Variants in USP35 observed in about 807,000 individuals in gnomAD.
USP35 encodes ubiquitin specific peptidase 35.
A neutral mutation model predicts 83.8 loss-of-function variants in USP35; 69 were observed. The observed-to-expected ratio is 0.82, with a 90% CI of 0.68 to 1.01. The LOEUF (loss-of-function observed/expected upper bound fraction) is 1.01, where lower values mean the gene tolerates loss of function less well. Ranked by LOEUF, USP35 falls within the 50% of genes least tolerant of loss-of-function variation. The probability of loss-of-function intolerance (pLI) is 0.00; values close to 1 mark genes in which losing one functional copy is unlikely to be tolerated. For missense variants in USP35, 1,503 were observed against 1,362.5 expected (o/e 1.10, Z -1.62); for synonymous variants, 714 against 589.5 (o/e 1.21, Z -3.06).
intron 1 of USP35, among the ~76,000 whole-genome samples, chr11:78,189,372 C>T (rs755791588): frequency 4.6e-5 from 7 of 152,316 alleles, no homozygotes; most frequent in Middle Eastern, 3.4e-3. Flanking sequence ...AGTGATCCTG[C>T]TCCCTCCCCT....
At chr11:78,203,435 G>A (rs1023327318) in intron 6 of USP35, among the ~76,000 whole-genome samples, 5 of 152,126 alleles carry the variant, frequency 3.3e-5, no homozygotes, top group Non-Finnish European at 7.4e-5. Context: ...CTTCTCGAAC[G>A]TTTCCACCCA....
rs989662724 is a variant in USP35 at position 78,209,468 on chromosome 11, C to T, written c.1613C>T (p.Thr538Met). 8.7e-6 allele frequency: 14 copies of T among 1,607,852 alleles called. No homozygotes were observed. The highest frequency in any genetic ancestry group is 1.7e-5 in the Admixed American group (1 of 59,626). The change falls in exon 10 of 11, where the codon ACG (threonine) becomes ATG (methionine). Residue 538 changes from threonine (T) to methionine (M), a missense_variant. Physicochemically the swap from Thr to Met is moderately conservative, Grantham distance 81 (BLOSUM62 -1). Coordinates refer to ENST00000529308, the MANE Select transcript of USP35 (RefSeq NM_020798.4). ...CCCAGGCTGCACGAAGAGGAGAAAA[C>T]GGGCACAAGGATCTGCCAGAAACTC... ...LLDRLHEEEK[T>M]GTRICQKLKQ... is the part of the protein sequence containing the mutation.
At chr11:78,200,051 C>T (rs930333188) in intron 4 of USP35, 82 bp from the exon 5 acceptor site, 18 of 1,475,478 alleles carry the variant, frequency 1.2e-5, no homozygotes, top group Non-Finnish European at 1.6e-5. Flanking sequence ...TAGGGTGTCT[C>T]TGAGTCCCCT....
downstream of USP35, among the ~76,000 whole-genome samples, chr11:78,219,943 C>T (rs1590935255): frequency 6.6e-6 from 1 of 152,228 alleles, no homozygotes; most frequent in South Asian, 2.1e-4. Flanking sequence ...GCTGATGTAT[C>T]GACGGCAGGG....
intron 1 of USP35, among the ~76,000 whole-genome samples, chr11:78,193,757 A>T (rs1863065773): frequency 1.3e-5 from 2 of 152,280 alleles, no homozygotes; most frequent in South Asian, 4.2e-4. Context: ...CAACAACAAC[A>T]ACAACAAAAC....
chr11:78,200,067 G>T (rs933522065), intron 4 of USP35, 66 bp from the exon 5 acceptor site: 1 of 1,556,802 alleles, frequency 6.4e-7, no homozygotes, highest in Non-Finnish European at 8.9e-7. Context: ...CCCCTCTCAG[G>T]CTTGTGATTC....
At position 78,196,228 on chromosome 11, in the gene USP35, C is replaced by T. The variant is rs112509436; in HGVS notation, c.-10-8C>T. On this transcript the variant is annotated splice_region_variant and splice_polypyrimidine_tract_variant and intron_variant, in intron 1 of 10. Transcript: ENST00000529308. The surrounding 1 kb of genome is among the most constrained non-coding windows in gnomAD (Gnocchi z 4.8). ...TCGGGCTGTGACCTCATTCCCTGTC[C>T]TCCGCAGCGCGGGCGCCATGGACAA... 6 of 1,580,218 alleles carry T rather than the reference C, an allele frequency of 3.8e-6. No homozygotes were observed. Among genetic ancestry groups the T allele is most frequent in the South Asian group, 3.3e-5 (3 of 89,886 alleles).
intron 6 of USP35, among the ~76,000 whole-genome samples, chr11:78,205,182 A>G (rs902350282): frequency 3.9e-5 from 6 of 152,162 alleles, no homozygotes; most frequent in Non-Finnish European, 2.9e-5. Flanking sequence ...AAGGACCAAG[A>G]CCCATACCTC....
At chr11:78,221,782 G>C in the USP35 span, 1 of 1,605,426 alleles carries the variant, frequency 6.2e-7, no homozygotes, top group Non-Finnish European at 8.5e-7. Flanking sequence ...AGGTGTGGCT[G>C]TTGTGGGAAG....
intron 2 of USP35, 97 bp from the exon 3 acceptor site, chr11:78,197,839 G>A: frequency 6.7e-7 from 1 of 1,484,590 alleles, no homozygotes; most frequent in Non-Finnish European, 9.0e-7. Context: ...TCTTCCTAGA[G>A]GCCCAGCCCG....
In USP35 at chr11:78,196,505, G is replaced by A. The variant is rs112298460; in HGVS notation, c.260G>A (p.Arg87His). The A allele has an allele frequency of 1.6e-6, 2 of 1,230,042 alleles. No individual in the cohort carries two copies. The highest frequency in any genetic ancestry group is 4.4e-5 in the Admixed American group (1 of 22,724). 76.2% of individuals were successfully genotyped at this position (1,230,042 alleles called of 1,614,324 possible). The change falls in exon 2 of 11, where the codon CGC becomes CAC. Residue 87 changes from arginine to histidine, a missense_variant. Transcript: ENST00000529308. The surrounding 1 kb of genome is among the most constrained non-coding windows in gnomAD (Gnocchi z 4.8). ...AEFFSARRVLRLLQGGAGPPG... is the reference protein window; with the variant it reads ...AEFFSARRVLHLLQGGAGPPG... ...TTCTTCAGCGCGCGTCGCGTGCTGCGCCTGCTGCAGGGTGGCGCCGGCCCC... is the reference window on the plus strand; with the variant it reads ...TTCTTCAGCGCGCGTCGCGTGCTGCACCTGCTGCAGGGTGGCGCCGGCCCC...
intron 6 of USP35, among the ~76,000 whole-genome samples, chr11:78,203,349 G>C (rs952952161): frequency 6.6e-6 from 1 of 152,120 alleles, no homozygotes; most frequent in African/African-American, 2.4e-5. Flanking sequence ...GGTAATGTGT[G>C]AGGGGGAAGG....
At chr11:78,230,826 G>C in the USP35 span, among the ~76,000 whole-genome samples, 4 of 152,190 alleles carry the variant, frequency 2.6e-5, no homozygotes, top group African/African-American at 9.7e-5. Flanking sequence ...TGGTCCCTTT[G>C]GGCAATAATC....
At chr11:78,221,812 A>G in the USP35 span, 2 of 1,462,826 alleles carry the variant, frequency 1.4e-6, no homozygotes, top group East Asian at 2.3e-5. Context: ...ACACTGGGGA[A>G]GCTGCATGGC....
chr11:78,222,566 C>T, the USP35 span, among the ~76,000 whole-genome samples: 3 of 148,264 alleles, frequency 2.0e-5, no homozygotes, highest in Non-Finnish European at 3.0e-5. Context: ...AAAATATATA[C>T]TATTTATATA....
At chr11:78,200,621 C>A in intron 5 of USP35, 29 bp from the exon 6 acceptor site, 2 of 1,585,360 alleles carry the variant, frequency 1.3e-6, no homozygotes, top group South Asian at 1.1e-5. Context: ...CGGGTTGGTG[C>A]TGAGCCTGAC....
the USP35 span, among the ~76,000 whole-genome samples, chr11:78,220,886 A>C: frequency 6.6e-6 from 1 of 152,134 alleles, no homozygotes; most frequent in Non-Finnish European, 1.5e-5. Flanking sequence ...TATGCACTGG[A>C]AAGTTTTCTT....
intron 2 of USP35, 25 bp from the exon 3 acceptor site, chr11:78,197,911 A>T: frequency 6.2e-7 from 1 of 1,610,530 alleles, no homozygotes; most frequent in Non-Finnish European, 8.5e-7. Context: ...CTCCCTGCTA[A>T]GCTCAGCCCT....
intron 10 of USP35, among the ~76,000 whole-genome samples, chr11:78,213,363 A>C (rs1037616980): frequency 1.3e-5 from 2 of 152,070 alleles, no homozygotes; most frequent in African/African-American, 4.8e-5. Flanking sequence ...ATGACCCTCG[A>C]AGTCCTCAGA....
Sources: gnomAD v4.1 joint callset for allele counts (sites outside exome capture counted in the v4.1 genomes callset) on GRCh38, gnomAD v4.1.1 for gene constraint, Gnocchi (gnomAD v3.1) non-coding constraint, MANE v1.5 for transcripts, NCBI Gene and HGNC (gene_info 2026-07-23, HGNC 2026-07-21) for gene names.